SMIM36: variants seen among roughly 807,000 people sequenced by gnomAD.
SMIM36 encodes small integral membrane protein 36.
At chr17:55,508,782 G>A (rs1910129243) in intron 1 of SMIM36, among the ~76,000 whole-genome samples, 1 of 151,792 alleles carries the variant, frequency 6.6e-6, no homozygotes, top group Admixed American at 6.6e-5. Flanking sequence ...AATTAGCTGC[G>A]TGTGGTGGCA....
intron 3 of SMIM36, among the ~76,000 whole-genome samples, chr17:55,471,861 T>A (rs1487337943): frequency 6.6e-6 from 1 of 152,222 alleles, no homozygotes; most frequent in Non-Finnish European, 1.5e-5. Flanking sequence ...TGTGTCTGCC[T>A]GAGGCAGCAG....
chr17:55,491,593 C>G (rs1246550651), intron 1 of SMIM36, among the ~76,000 whole-genome samples: 1 of 152,138 alleles, frequency 6.6e-6, no homozygotes, highest in East Asian at 1.9e-4. Context: ...TAATTAAGTT[C>G]TAGCTAATGA....
upstream of SMIM36, among the ~76,000 whole-genome samples, chr17:55,512,198 G>A (rs1316036894): frequency 6.6e-6 from 1 of 152,098 alleles, no homozygotes; most frequent in African/African-American, 2.4e-5. Flanking sequence ...GAAGAGACAG[G>A]GAAGATTCTT....
intron 1 of SMIM36, among the ~76,000 whole-genome samples, chr17:55,490,334 T>C (rs4423478): frequency 0.79 from 119,751 of 151,956 alleles, 47,661 homozygotes; most frequent in Non-Finnish European, 0.82. Flanking sequence ...TGCTTCTTTT[T>C]GCTGTTACAT....
At chr17:55,486,259 G>A (rs556078907) in intron 1 of SMIM36, among the ~76,000 whole-genome samples, 1 of 150,788 alleles carries the variant, frequency 6.6e-6, no homozygotes, top group South Asian at 2.1e-4. Context: ...GGATGGTCTC[G>A]ATCTCTTGAC....
intron 4 of SMIM36, among the ~76,000 whole-genome samples, chr17:55,459,618 GTT>G (rs1014970436): frequency 3.9e-5 from 6 of 152,238 alleles, no homozygotes; most frequent in African/African-American, 1.4e-4. Context: ...GCAATTATTT[GTT>G]TACTGTCTTC....
At chr17:55,452,440 C>T (rs1365503300) in intron 4 of SMIM36, among the ~76,000 whole-genome samples, 2 of 152,182 alleles carry the variant, frequency 1.3e-5, no homozygotes, top group African/African-American at 4.8e-5. Context: ...GAGGAAAACT[C>T]ATAGGGCTGG....
intron 3 of SMIM36, among the ~76,000 whole-genome samples, chr17:55,477,375 C>A (rs772726865): frequency 6.6e-5 from 10 of 152,128 alleles, no homozygotes; most frequent in Non-Finnish European, 1.0e-4. Flanking sequence ...AGTTCCCTGG[C>A]TTAGAGATGC....
intron 1 of SMIM36, among the ~76,000 whole-genome samples, chr17:55,504,049 A>C (rs1183981869): frequency 6.1e-5 from 6 of 97,870 alleles, no homozygotes; most frequent in Non-Finnish European, 1.9e-5. Context: ...TATGCACCCA[A>C]TACAGGAGCA....
intron 1 of SMIM36, among the ~76,000 whole-genome samples, chr17:55,497,392 G>A (rs1909828439): frequency 1.3e-5 from 2 of 152,100 alleles, no homozygotes; most frequent in Admixed American, 6.6e-5. Flanking sequence ...AGTATCCTGA[G>A]TAGCTGAAAT....
intron 4 of SMIM36, among the ~76,000 whole-genome samples, chr17:55,455,039 TC>T (rs1455016649): frequency 6.6e-6 from 1 of 152,190 alleles, no homozygotes; most frequent in African/African-American, 2.4e-5. Context: ...TAGAATAAAT[TC>T]CTGGAAGAGA....
At chr17:55,467,618 G>A (rs1567863945) in intron 3 of SMIM36, among the ~76,000 whole-genome samples, 1 of 152,064 alleles carries the variant, frequency 6.6e-6, no homozygotes, top group African/African-American at 2.4e-5. Flanking sequence ...GGATGGTCTC[G>A]ATCTCCTGAC....
At chr17:55,500,699 T>C (rs578003438) in intron 1 of SMIM36, among the ~76,000 whole-genome samples, 1 of 143,494 alleles carries the variant, frequency 7.0e-6, no homozygotes, top group South Asian at 2.1e-4. Context: ...TGGATTCCTA[T>C]TAAAAATAAA....
At chr17:55,480,853 C>G in intron 1 of SMIM36, among the ~76,000 whole-genome samples, 1 of 152,134 alleles carries the variant, frequency 6.6e-6, no homozygotes, top group East Asian at 1.9e-4. Flanking sequence ...ATGATTATCT[C>G]TTCTATGCAG....
At chr17:55,510,139 A>G (rs1257523739) in intron 1 of SMIM36, among the ~76,000 whole-genome samples, 1 of 152,098 alleles carries the variant, frequency 6.6e-6, no homozygotes, top group East Asian at 1.9e-4. Flanking sequence ...AGGTGGCTCA[A>G]CTTAACCATG....
intron 1 of SMIM36, among the ~76,000 whole-genome samples, chr17:55,509,888 A>G (rs573677436): frequency 6.6e-6 from 1 of 152,324 alleles, no homozygotes; most frequent in East Asian, 1.9e-4. Flanking sequence ...GGGGACAGAT[A>G]CACCAAGCTG....
intron 1 of SMIM36, among the ~76,000 whole-genome samples, chr17:55,507,581 G>T (rs1910096428): frequency 9.5e-6 from 1 of 105,782 alleles, no homozygotes; most frequent in Non-Finnish European, 1.9e-5. Flanking sequence ...ACTGTGGTGG[G>T]GTGGGGGGAG....
the SMIM36 span, among the ~76,000 whole-genome samples, chr17:55,530,177 A>G: frequency 2.8e-4 from 43 of 152,242 alleles, no homozygotes; most frequent in Non-Finnish European, 5.4e-4. Context: ...GTCATTTGGA[A>G]TGGATTGTAT....
chr17:55,484,901 G>A (rs1909579246), intron 1 of SMIM36, among the ~76,000 whole-genome samples: 1 of 150,664 alleles, frequency 6.6e-6, no homozygotes, highest in African/African-American at 2.4e-5. Flanking sequence ...CTAGATTAAA[G>A]GAGAGTTAAG....
Sources: allele counts gnomAD v4.1 joint callset (sites outside exome capture counted in the v4.1 genomes callset), GRCh38; gene constraint gnomAD v4.1.1; transcripts MANE v1.5; gene names NCBI Gene and HGNC (gene_info 2026-07-23, HGNC 2026-07-21).